The following CEMIP variants were observed in gnomAD, a reference collection of about 807,000 sequenced individuals.
CEMIP encodes cell migration-inducing and hyaluronan-binding protein.
CEMIP carries 105 observed loss-of-function variants against 156.9 expected under a neutral mutation model. The ratio of observed to expected loss-of-function variants is 0.67; its 90% CI spans 0.57 to 0.79. The LOEUF (loss-of-function observed/expected upper bound fraction) is 0.79, where lower values mean the gene tolerates loss of function less well. Among genes scored for constraint, CEMIP ranks in the 30% least tolerant of loss-of-function variants. CEMIP has a pLI of 0.00. For synonymous variants in CEMIP, 676 were observed against 668.4 expected, an observed-to-expected ratio of 1.01 and a Z score of -0.17; for missense variants, 1,457 against 1,769.4, an observed-to-expected ratio of 0.82 and a Z score of 3.17.
chr15:80,825,729 T>C (rs1349919461), intron 1 of CEMIP, among the ~76,000 whole-genome samples: 1 of 152,150 alleles, frequency 6.6e-6, no homozygotes, highest in African/African-American at 2.4e-5. Context: ...TCTGGCCAGA[T>C]CTCTCAGATA....
intron 6 of CEMIP, among the ~76,000 whole-genome samples, chr15:80,882,960 G>A (rs1898714844): frequency 6.6e-6 from 1 of 152,078 alleles, no homozygotes; most frequent in African/African-American, 2.4e-5. Flanking sequence ...AGAAGCACTA[G>A]GCTTGCAGCA....
At chr15:80,890,587 AAAAAAAAAAAC>A (rs989423115) in intron 10 of CEMIP, among the ~76,000 whole-genome samples, 10 of 22,726 alleles carry the variant, frequency 4.4e-4, no homozygotes, top group Non-Finnish European at 1.3e-3. Flanking sequence ...ACTCTGACTC[AAAAAAAAAAAC>A]AAAAAAAAAC....
At chr15:80,900,777 A>G (rs1397821486) in intron 12 of CEMIP, 6 of 345,312 alleles carry the variant, frequency 1.7e-5, no homozygotes, top group South Asian at 8.8e-5. Flanking sequence ...CCCTGTTGAC[A>G]GGATCAAGGA....
chr15:80,921,229 A>G, intron 16 of CEMIP, 128 bp downstream of exon 16: 1 of 852,630 alleles, frequency 1.2e-6, no homozygotes, highest in East Asian at 2.8e-5. Context: ...AGACGGGCTT[A>G]GCTGTGGTGA....
At chr15:80,831,489 G>A (rs1414519562) in intron 1 of CEMIP, among the ~76,000 whole-genome samples, 3 of 152,172 alleles carry the variant, frequency 2.0e-5, no homozygotes, top group African/African-American at 7.2e-5. Context: ...GGGACAGGAT[G>A]CACAGCGTGT....
chr15:80,892,910 G>A (rs1899079996), intron 10 of CEMIP, among the ~76,000 whole-genome samples: 1 of 152,220 alleles, frequency 6.6e-6, no homozygotes, highest in Non-Finnish European at 1.5e-5. Context: ...TTTATTGGCT[G>A]GACTGGTGGC....
intron 25 of CEMIP, among the ~76,000 whole-genome samples, chr15:80,940,401 C>G (rs993069957): frequency 2.0e-5 from 3 of 152,206 alleles, no homozygotes; most frequent in Non-Finnish European, 4.4e-5. Flanking sequence ...AGGACCAATC[C>G]CATTTCTGTG....
chr15:80,842,186 T>C (rs756764892), intron 1 of CEMIP: 1 of 425,970 alleles, frequency 2.3e-6, no homozygotes, highest in Non-Finnish European at 4.7e-6. Flanking sequence ...CCTTTTCATC[T>C]TTTACCTATT....
chr15:80,887,588 C>T (rs1898891716), intron 7 of CEMIP, 106 bp from the exon 8 acceptor site: 1 of 815,882 alleles, frequency 1.2e-6, no homozygotes, highest in Non-Finnish European at 2.1e-6. Flanking sequence ...AGGGAGGGAC[C>T]CTCCTTCACC....
At chr15:80,935,795 A>G (rs900559622) in intron 23 of CEMIP, among the ~76,000 whole-genome samples, 3 of 152,100 alleles carry the variant, frequency 2.0e-5, no homozygotes, top group African/African-American at 7.2e-5. Flanking sequence ...GCAATGGGCA[A>G]TGGCGTGATC....
intron 21 of CEMIP, among the ~76,000 whole-genome samples, chr15:80,930,205 T>G (rs573609946): frequency 6.6e-6 from 1 of 152,246 alleles, no homozygotes; most frequent in East Asian, 1.9e-4. Context: ...GGAAAAGACT[T>G]TGCAAAGGCA....
chr15:80,936,939 G>T, intron 24 of CEMIP, 54 bp downstream of exon 24: 2 of 1,550,364 alleles, frequency 1.3e-6, no homozygotes, highest in Non-Finnish European at 1.8e-6. Flanking sequence ...ACGATGCCTT[G>T]TTGCAAAGTC....
rs181470477 is a variant in CEMIP, at chr15:80,884,239, G to C, written c.682G>C (p.Asp228His). The C allele has an allele frequency of 2.5e-6, 4 of 1,614,080 alleles. No individual in the cohort carries two copies. Among genetic ancestry groups the C allele is most frequent in the Non-Finnish European group, 3.4e-6 (4 of 1,180,040 alleles). The change falls in exon 7 of 30, where the codon GAT (aspartate) becomes CAT (histidine). Residue 228 changes from aspartate to histidine, a missense_variant. Physicochemically the swap from Asp to His is moderately conservative, Grantham distance 81. This residue lies in a region of CEMIP where 309 missense variants were observed against 340.8 expected (regional missense o/e 0.91). Coordinates refer to ENST00000394685, the MANE Select transcript of CEMIP (RefSeq NM_001293298.2). ...GGTCCAGTATTTGAACGCGGTGCCC[G>C]ATGGCAGGATCCTTTCTGTTGCAGT... is the stretch of plus-strand genomic sequence containing the variant. ...RLVQYLNAVP[D>H]GRILSVAVND...
intron 1 of CEMIP, among the ~76,000 whole-genome samples, chr15:80,858,952 A>G (rs1361885018): frequency 6.6e-6 from 1 of 152,202 alleles, no homozygotes; most frequent in African/African-American, 2.4e-5. Context: ...TAGGCTCCAC[A>G]TTCCCCTGTG....
chr15:80,823,946 T>C (rs532429693), intron 1 of CEMIP, among the ~76,000 whole-genome samples: 91 of 152,308 alleles, frequency 6.0e-4, no homozygotes, highest in African/African-American at 2.1e-3. Context: ...GTGGTAAAGC[T>C]GGGATTTAAC....
chr15:80,802,672 G>T (rs1442362249), intron 1 of CEMIP, among the ~76,000 whole-genome samples: 1 of 152,222 alleles, frequency 6.6e-6, no homozygotes, highest in African/African-American at 2.4e-5. Flanking sequence ...AAATCTATTG[G>T]TTGGATATAT....
intron 1 of CEMIP, among the ~76,000 whole-genome samples, chr15:80,800,710 A>G (rs564767507): frequency 6.6e-6 from 1 of 152,250 alleles, no homozygotes; most frequent in African/African-American, 2.4e-5. Flanking sequence ...GAGTTAGAGA[A>G]GAAATTCACA....
At chr15:80,910,491 G>C (rs1900010124) in intron 14 of CEMIP, among the ~76,000 whole-genome samples, 1 of 152,254 alleles carries the variant, frequency 6.6e-6, no homozygotes, top group South Asian at 2.1e-4. Context: ...AAAATGAGGA[G>C]GCTGTCTGTG....
chr15:80,867,881 G>A (rs528091843), intron 1 of CEMIP, among the ~76,000 whole-genome samples: 10 of 152,294 alleles, frequency 6.6e-5, no homozygotes, highest in Admixed American at 4.6e-4. Flanking sequence ...GGGGGGCGGC[G>A]TGTTTGGCTG....
Sources: gnomAD v4.1 joint callset for allele counts (sites outside exome capture counted in the v4.1 genomes callset) on GRCh38, gnomAD v4.1.1 for gene constraint, gnomAD v4.1.1 regional missense constraint, MANE v1.5 for transcripts, NCBI Gene and HGNC (gene_info 2026-07-23, HGNC 2026-07-21) for gene names.